Variants in ANGPT2 observed in about 807,000 individuals in gnomAD.
The protein encoded by ANGPT2 is angiopoietin 2, also known as angiopoietin-2.
ANGPT2 carries 28 observed loss-of-function variants against 62.9 expected under a neutral mutation model. The ratio of observed to expected loss-of-function variants is 0.44; its 90% CI spans 0.33 to 0.61. ANGPT2 has a LOEUF of 0.61. ANGPT2 is among the 20% of genes least tolerant of loss of function. The pLI is 0.03. For synonymous variants in ANGPT2, 284 were observed against 207.8 expected (o/e 1.37, Z -3.15); for missense variants, 727 against 594.9 (o/e 1.22, Z -2.31).
chr8:6,519,109 G>T (rs961311025), intron 5 of ANGPT2, among the ~76,000 whole-genome samples: 2 of 152,192 alleles, frequency 1.3e-5, no homozygotes, highest in Non-Finnish European at 2.9e-5. Flanking sequence ...TGCTGGAGAA[G>T]AAAATGAACA....
At chr8:6,532,038 G>T (rs982601558) in intron 2 of ANGPT2, among the ~76,000 whole-genome samples, 2 of 152,210 alleles carry the variant, frequency 1.3e-5, no homozygotes, top group African/African-American at 4.8e-5. Context: ...GCACCAGGGA[G>T]ACAGAGGGGG....
rs553841642 is a variant in ANGPT2, at chr8:6,530,865, A to C, written c.444+1467T>G. 6.2e-4 allele frequency among the ~76,000 whole-genome samples: 95 copies of C among 152,340 alleles called. No individual in the cohort carries two copies. In the South Asian group the frequency reaches 0.016, roughly 26 times the overall value. On this transcript the variant is annotated intron_variant, in intron 2 of 8. Transcript: ENST00000629816. ...GCTGTGTCCTTCTAGAATGAGTCTT[A>C]CGAGAGTGGCAGGGCTTATGGCATC... is the stretch of plus-strand genomic sequence containing the variant.
At chr8:6,542,737 T>A (rs965113610) in intron 1 of ANGPT2, among the ~76,000 whole-genome samples, 3 of 152,174 alleles carry the variant, frequency 2.0e-5, no homozygotes, top group African/African-American at 7.2e-5. Context: ...TACATGGGTT[T>A]GCCAAAATAC....
chr8:6,522,971 A>G (rs1408622981), intron 3 of ANGPT2, among the ~76,000 whole-genome samples: 2 of 151,998 alleles, frequency 1.3e-5, no homozygotes, highest in Non-Finnish European at 2.9e-5. Flanking sequence ...CATAACAGTT[A>G]ATATGTGAGC....
chr8:6,533,107 T>C (rs1486155865), intron 1 of ANGPT2, among the ~76,000 whole-genome samples: 1 of 152,250 alleles, frequency 6.6e-6, no homozygotes, highest in Non-Finnish European at 1.5e-5. Flanking sequence ...CATGTATGCA[T>C]TTTTCACAAT....
At chr8:6,518,918 T>C (rs938510444) in intron 5 of ANGPT2, among the ~76,000 whole-genome samples, 1 of 152,170 alleles carries the variant, frequency 6.6e-6, no homozygotes, top group African/African-American at 2.4e-5. Context: ...AGGGTTTTTT[T>C]TTTTCCTTAT....
intron 1 of ANGPT2, among the ~76,000 whole-genome samples, chr8:6,535,813 C>T (rs1040269716): frequency 2.6e-5 from 4 of 151,240 alleles, no homozygotes; most frequent in Admixed American, 1.3e-4. Context: ...TTTGGGAGGC[C>T]GAGGCAGGAG....
chr8:6,532,503 G>C lies in ANGPT2; in HGVS notation c.289-16C>G. On this transcript the variant is annotated splice_polypyrimidine_tract_variant and intron_variant, in intron 1 of 8. Coordinates refer to ENST00000629816, the MANE Select transcript of ANGPT2 (RefSeq NM_001118887.2). Reference sequence around the variant, plus strand: ...AATTCTCAAGCTAGAAAAGAACAGTGTTAGAAGGCAGTCATTAGTCAAATG... The same window carrying C: ...AATTCTCAAGCTAGAAAAGAACAGTCTTAGAAGGCAGTCATTAGTCAAATG... 6.3e-7 allele frequency: 1 copy of C among 1,584,148 alleles called. No individual in the cohort carries two copies.
At chr8:6,504,385 A>G (rs1812848708) in intron 8 of ANGPT2, among the ~76,000 whole-genome samples, 1 of 151,916 alleles carries the variant, frequency 6.6e-6, no homozygotes, top group Admixed American at 6.6e-5. Context: ...ACGGGATAAA[A>G]TCTCCTGATG....
chr8:6,529,080 G>C (rs1436734641), intron 2 of ANGPT2, among the ~76,000 whole-genome samples: 2 of 152,188 alleles, frequency 1.3e-5, no homozygotes, highest in African/African-American at 2.4e-5. Flanking sequence ...ATTCCGTGTG[G>C]AGGCAGGGAA....
At chr8:6,509,211 A>C (rs976112650) in intron 7 of ANGPT2, 149 bp from the exon 8 acceptor site, 3 of 1,019,340 alleles carry the variant, frequency 2.9e-6, no homozygotes, top group Non-Finnish European at 4.2e-6. Context: ...AATATTTTGC[A>C]CTGGTATAAA....
Position 6,499,754 on chromosome 8 carries a change from G to A in ANGPT2, c.*3347C>T, listed in dbSNP as rs1811787272. 1.0e-6 allele frequency: 1 copy of A among 962,688 alleles called. No individual in the cohort carries two copies. The highest frequency in any genetic ancestry group is 1.7e-6 in the Non-Finnish European group (1 of 592,320). The allele number at this position is 962,688 out of a possible 1,614,324, so 59.6% of individuals were successfully genotyped here. On this transcript the variant is annotated 3_prime_UTR_variant, in exon 9 of 9. Coordinates refer to ENST00000629816, the MANE Select transcript of ANGPT2 (RefSeq NM_001118887.2). The stretch of plus-strand genomic sequence containing the variant: ...AACACATCTATTTCAGATCTGCGGA[G>A]TGTATCACTTTTTGCTGTGTCTTCA...
chr8:6,532,731 C>T (rs1819763204), intron 1 of ANGPT2, among the ~76,000 whole-genome samples: 1 of 152,126 alleles, frequency 6.6e-6, no homozygotes, highest in Non-Finnish European at 1.5e-5. Context: ...AGACAAGCTA[C>T]TGGTTGCTTC....
In ANGPT2 at chr8:6,524,127, A is replaced by C. The variant is rs760674767; in HGVS notation, c.567-2717T>G. On this transcript the variant is annotated intron_variant, in intron 3 of 8. Coordinates refer to ENST00000629816, the MANE Select transcript of ANGPT2 (RefSeq NM_001118887.2). The stretch of plus-strand genomic sequence containing the variant: ...TTCCTCTCTCTGACATTTTCCTTCC[A>C]ATATAAAGTTTAGTACACATGAATT... 7.2e-5 allele frequency among the ~76,000 whole-genome samples: 11 copies of C among 152,300 alleles called. No homozygotes were observed. In the South Asian group the frequency reaches 1.2e-3, roughly 17 times the overall value.
chr8:6,505,422 TAAAGA>T (rs1813318602), intron 8 of ANGPT2, among the ~76,000 whole-genome samples: 18 of 83,608 alleles, frequency 2.2e-4, no homozygotes, highest in Admixed American at 2.6e-4. Flanking sequence ...TTTATATACA[TAAAGA>T]ATATATATAT....
At chr8:6,552,588 G>A (rs1298646366) in intron 1 of ANGPT2, among the ~76,000 whole-genome samples, 2 of 152,110 alleles carry the variant, frequency 1.3e-5, no homozygotes, top group African/African-American at 2.4e-5. Context: ...TGTCTTTCTG[G>A]TGTTCCTATT....
intron 1 of ANGPT2, among the ~76,000 whole-genome samples, chr8:6,542,660 A>C (rs1158348492): frequency 6.6e-6 from 1 of 151,314 alleles, no homozygotes; most frequent in African/African-American, 2.4e-5. Context: ...TTTTGAAATG[A>C]AGTATAAAGA....
chr8:6,532,255 T>A, intron 2 of ANGPT2, 77 bp downstream of exon 2: 2 of 1,549,806 alleles, frequency 1.3e-6, no homozygotes, highest in Admixed American at 3.7e-5. Flanking sequence ...CATGCCTTCA[T>A]TGAGGAAGCT....
At chr8:6,527,743 T>A (rs1818611179) in intron 2 of ANGPT2, 67 bp from the exon 3 acceptor site, 2 of 1,386,646 alleles carry the variant, frequency 1.4e-6, no homozygotes, top group South Asian at 2.7e-5. Context: ...AACTTCCTTT[T>A]CATTAAAGTA....
Sources: allele counts gnomAD v4.1 joint callset (sites outside exome capture counted in the v4.1 genomes callset), GRCh38; gene constraint gnomAD v4.1.1; transcripts MANE v1.5; gene names NCBI Gene and HGNC (gene_info 2026-07-23, HGNC 2026-07-21).